VPS4B: variants seen among roughly 807,000 people sequenced by gnomAD.
The protein encoded by VPS4B is vacuolar protein sorting-associated protein 4B.
VPS4B carries 23 observed loss-of-function variants against 56.1 expected under a neutral mutation model. That is an observed-to-expected ratio of 0.41 (90% CI 0.30 to 0.58). The LOEUF (loss-of-function observed/expected upper bound fraction) is 0.58. VPS4B is among the 20% of genes least tolerant of loss of function. The probability of loss-of-function intolerance (pLI) is 0.29; values close to 1 mark genes in which losing one functional copy is unlikely to be tolerated. For synonymous variants in VPS4B, 177 were observed against 186.0 expected (o/e 0.95, Z 0.39); for missense variants, 372 against 531.9 (o/e 0.70, Z 2.96).
chr18:63,393,353 A>G (rs1413620225), intron 10 of VPS4B, 56 bp downstream of exon 10: 6 of 1,450,414 alleles, frequency 4.1e-6, no homozygotes, highest in Non-Finnish European at 5.5e-6. Context: ...TATAACTGAA[A>G]ATTATGAAGT....
At chr18:63,391,206 G>T (rs958535729) in intron 10 of VPS4B, 130 bp from the exon 11 acceptor site, 6 of 606,674 alleles carry the variant, frequency 9.9e-6, no homozygotes, top group East Asian at 3.3e-5. Flanking sequence ...TCTGCCATAA[G>T]ATACTAACGA....
At chr18:63,422,114 C>G in intron 1 of VPS4B, 119 bp downstream of exon 1, 2 of 1,171,208 alleles carry the variant, frequency 1.7e-6, no homozygotes, top group Non-Finnish European at 2.3e-6. Context: ...CCCGGACCCG[C>G]CCTCCTGCGC....
At chr18:63,406,861 G>A (rs935295236) in intron 4 of VPS4B, among the ~76,000 whole-genome samples, 1 of 152,202 alleles carries the variant, frequency 6.6e-6, no homozygotes, top group African/African-American at 2.4e-5. Flanking sequence ...AGATCTGAAT[G>A]GAGCCAAAAA....
rs1599356792 is a variant in VPS4B, at chr18:63,397,307, C to A, written c.873-54G>T. 2.7e-6 allele frequency: 4 copies of A among 1,479,608 alleles called. No individual in the cohort carries two copies. In the East Asian group the frequency reaches 9.8e-5, roughly 36 times the overall value. 91.7% of individuals were successfully genotyped at this position (1,479,608 alleles called of 1,614,324 possible). ...ATTTAATTGAAAATTAGGATATTTCCAAGAAGAAACAGATACTAAGTTAAG... is the reference window on the plus strand; with the variant it reads ...ATTTAATTGAAAATTAGGATATTTCAAAGAAGAAACAGATACTAAGTTAAG... On this transcript the variant is annotated intron_variant, in intron 8 of 10. Transcript: ENST00000238497.
chr18:63,400,878 A>T (rs1050402692), intron 5 of VPS4B, among the ~76,000 whole-genome samples, 175 bp from the exon 6 acceptor site: 2 of 152,252 alleles, frequency 1.3e-5, no homozygotes, highest in African/African-American at 2.4e-5. Context: ...TCTAGAGACT[A>T]CTTTATCAAA....
Position 63,390,947 on chromosome 18 carries a change from T to C in VPS4B, c.*28A>G. Reference sequence around the variant, plus strand: ...AAATATCTATGAAAGAAAGAATACATATGGTAAGCATCTTCCTTGTCTTTG... The same window carrying C: ...AAATATCTATGAAAGAAAGAATACACATGGTAAGCATCTTCCTTGTCTTTG... On this transcript the variant is annotated 3_prime_UTR_variant, in exon 11 of 11. Coordinates refer to ENST00000238497, the MANE Select transcript of VPS4B (RefSeq NM_004869.4). The C allele has an allele frequency of 7.0e-7, 1 of 1,430,396 alleles. No homozygotes were observed. The highest frequency in any genetic ancestry group is 2.3e-5 in the East Asian group (1 of 43,800). 88.6% of individuals were successfully genotyped at this position (1,430,396 alleles called of 1,614,324 possible).
intron 8 of VPS4B, among the ~76,000 whole-genome samples, chr18:63,398,144 T>C (rs1032461926): frequency 1.3e-5 from 2 of 151,674 alleles, no homozygotes; most frequent in Non-Finnish European, 2.9e-5. Flanking sequence ...ATTAGATAGA[T>C]AGATGTGTGT....
rs1427405324 is a variant in VPS4B at position 63,411,451 on chromosome 18, T to A, written c.139+16A>T. On this transcript the variant is annotated intron_variant, in intron 2 of 10. Coordinates refer to ENST00000238497, the MANE Select transcript of VPS4B (RefSeq NM_004869.4). ...CCTTTTCGTGTTTTTAAATAAAATATAACCTATGGCCTCACATTTAACGAC... is the reference window on the plus strand; with the variant it reads ...CCTTTTCGTGTTTTTAAATAAAATAAAACCTATGGCCTCACATTTAACGAC... The A allele has an allele frequency of 6.8e-7, 1 of 1,472,454 alleles. No individual in the cohort carries two copies. The highest frequency in any genetic ancestry group is 9.1e-7 in the Non-Finnish European group (1 of 1,101,894). The allele number at this position is 1,472,454 out of a possible 1,614,324, so 91.2% of individuals were successfully genotyped here.
At chr18:63,414,608 T>C (rs1916121849) in intron 1 of VPS4B, among the ~76,000 whole-genome samples, 1 of 151,794 alleles carries the variant, frequency 6.6e-6, no homozygotes, top group African/African-American at 2.4e-5. Flanking sequence ...CTAATTTTTG[T>C]ATTTTTAGTA....
Position 63,422,335 on chromosome 18 carries a change from G to C in VPS4B, c.-76C>G. ...CAGCAGCAACGTCGAAGCGCGCACG[G>C]GGTAACAGCCCTCAAACTGGGGAGG... On this transcript the variant is annotated 5_prime_UTR_variant, in exon 1 of 11. Coordinates refer to ENST00000238497, the MANE Select transcript of VPS4B (RefSeq NM_004869.4). The C allele has an allele frequency of 1.5e-6, 2 of 1,371,714 alleles. No individual in the cohort carries two copies. The highest frequency in any genetic ancestry group is 1.9e-6 in the Non-Finnish European group (2 of 1,043,594). 85.0% of individuals were successfully genotyped at this position (1,371,714 alleles called of 1,614,324 possible).
chr18:63,415,495 A>G, intron 1 of VPS4B: 1 of 303,438 alleles, frequency 3.3e-6, no homozygotes, highest in South Asian at 3.7e-5. Flanking sequence ...AAGCTTGGCA[A>G]TTTTTCTCTG....
intron 3 of VPS4B, among the ~76,000 whole-genome samples, chr18:63,409,450 C>T (rs1159000131): frequency 1.3e-5 from 2 of 152,128 alleles, no homozygotes; most frequent in South Asian, 4.1e-4. Flanking sequence ...AGCAGAATCT[C>T]GCTGTTTTCA....
intron 4 of VPS4B, 111 bp downstream of exon 4, chr18:63,407,321 G>T: frequency 1.0e-6 from 1 of 968,788 alleles, no homozygotes; most frequent in Non-Finnish European, 1.5e-6. Flanking sequence ...ACCAAAGCCA[G>T]TTCTTAAACT....
chr18:63,393,626 T>A, intron 9 of VPS4B, 77 bp from the exon 10 acceptor site: 1 of 1,293,164 alleles, frequency 7.7e-7, no homozygotes, highest in Non-Finnish European at 1.0e-6. Flanking sequence ...CCAGGAAAGT[T>A]AAAATGTATA....
At position 63,397,120 on chromosome 18, in the gene VPS4B, AACC is replaced by A; in HGVS notation, c.1003_1005del (p.Gly335del). On this transcript the variant is annotated inframe_deletion, in exon 9 of 11. Coordinates refer to ENST00000238497, the MANE Select transcript of VPS4B (RefSeq NM_004869.4). ...ATGATACTTATATCTGCCCCTGAAT[AACC>A]ATCTGTTTTCCTCCCAAGTTCCCGA... 6.2e-7 allele frequency: 1 copy of A among 1,614,202 alleles called. No individual in the cohort carries two copies.
Position 63,411,556 on chromosome 18 carries a change from T to C in VPS4B, c.50A>G (p.Lys17Arg). 3.1e-6 allele frequency: 5 copies of C among 1,597,130 alleles called. No homozygotes were observed. Among genetic ancestry groups the C allele is most frequent in the Non-Finnish European group, 4.3e-6 (5 of 1,171,130 alleles). ...CCCAGCCTTGTCTTCTTGCGCTGCT[T>C]TGCTAGCCAGATCTATCGCTTTCTG... Reference protein sequence around the residue: ...NLQKAIDLASKAAQEDKAGNY... With the variant: ...NLQKAIDLASRAAQEDKAGNY... The change falls in exon 2 of 11, where the codon AAA becomes AGA. Residue 17 changes from lysine (K) to arginine (R), a missense_variant. Physicochemically the swap from Lys to Arg is conservative, Grantham distance 26. Coordinates refer to ENST00000238497, the MANE Select transcript of VPS4B (RefSeq NM_004869.4).
At chr18:63,399,426 G>A in intron 7 of VPS4B, 103 bp from the exon 8 acceptor site, 1 of 979,524 alleles carries the variant, frequency 1.0e-6, no homozygotes, top group South Asian at 1.5e-5. Flanking sequence ...CCATTAAAGT[G>A]CTTCATCTTG....
chr18:63,410,468 G>A lies in VPS4B; in HGVS notation c.140-22C>T, dbSNP rs780261293. ...TCATCTATTAAAGGGAAATGAGAGA[G>A]ATTTTTTTCCATTAGTATTCTATGT... On this transcript the variant is annotated intron_variant, in intron 2 of 10. Coordinates refer to ENST00000238497, the MANE Select transcript of VPS4B (RefSeq NM_004869.4). The A allele has an allele frequency of 6.9e-6, 11 of 1,605,756 alleles. No homozygotes were observed. The South Asian group carries it at 1.1e-4, about 16-fold the overall frequency.
At chr18:63,417,356 C>A (rs761562866) in intron 1 of VPS4B, among the ~76,000 whole-genome samples, 1 of 152,124 alleles carries the variant, frequency 6.6e-6, no homozygotes, top group Non-Finnish European at 1.5e-5. Flanking sequence ...GGCTCTCTAG[C>A]ATGCTAGATC....
Sources: allele counts gnomAD v4.1 joint callset (sites outside exome capture counted in the v4.1 genomes callset), GRCh38; gene constraint gnomAD v4.1.1; transcripts MANE v1.5; gene names NCBI Gene and HGNC (gene_info 2026-07-23, HGNC 2026-07-21).